Variants in CEP83 observed in about 807,000 individuals in gnomAD.
CEP83 encodes centrosomal protein 83.
In CEP83, 70 loss-of-function variants were observed where a neutral mutation model predicts 101.9. The ratio of observed to expected loss-of-function variants is 0.69; its 90% CI spans 0.57 to 0.84. CEP83 has a LOEUF of 0.84. Among genes scored for constraint, CEP83 ranks in the 40% least tolerant of loss-of-function variants. CEP83 has a pLI of 0.00. For synonymous variants in CEP83, 264 were observed against 267.9 expected, an observed-to-expected ratio of 0.99 and a Z score of 0.14; for missense variants, 715 against 787.2, an observed-to-expected ratio of 0.91 and a Z score of 1.10.
At chr12:94,389,536 GCAGCTCC>G (rs2137351493) in intron 6 of CEP83, among the ~76,000 whole-genome samples, 1 of 152,320 alleles carries the variant, frequency 6.6e-6, no homozygotes, top group South Asian at 2.1e-4. Flanking sequence ...GCTCCGGTCT[GCAGCTCC>G]CAGTGTGATG....
intron 11 of CEP83, among the ~76,000 whole-genome samples, chr12:94,337,673 C>A (rs1340583803): frequency 9.2e-5 from 14 of 151,980 alleles, no homozygotes; most frequent in African/African-American, 3.1e-4. Flanking sequence ...AATTAACTTT[C>A]ATTAGAGGAT....
At chr12:94,383,794 T>C (rs908727874) in intron 6 of CEP83, among the ~76,000 whole-genome samples, 5 of 152,142 alleles carry the variant, frequency 3.3e-5, no homozygotes, top group Non-Finnish European at 7.4e-5. Context: ...GTGGTTGTTC[T>C]AGTTATTATA....
chr12:94,418,297 G>A (rs2064447867), intron 2 of CEP83, among the ~76,000 whole-genome samples: 1 of 152,176 alleles, frequency 6.6e-6, no homozygotes, highest in South Asian at 2.1e-4. Context: ...GGAGGCAGAG[G>A]CTGCAGTGAG....
intron 11 of CEP83, among the ~76,000 whole-genome samples, chr12:94,351,835 G>A (rs116889762): frequency 6.6e-6 from 1 of 152,294 alleles, no homozygotes; most frequent in Non-Finnish European, 1.5e-5. Flanking sequence ...CCCAAGGCCT[G>A]AGAACTGTTC....
chr12:94,301,723 G>A (rs1397339328), downstream of CEP83, among the ~76,000 whole-genome samples: 1 of 150,238 alleles, frequency 6.7e-6, no homozygotes, highest in Non-Finnish European at 1.5e-5. Flanking sequence ...GGAATGAATG[G>A]AGACTGATGT....
intron 1 of CEP83, among the ~76,000 whole-genome samples, chr12:94,436,837 AAAAG>A (rs1211081163): frequency 6.6e-6 from 1 of 151,682 alleles, no homozygotes; most frequent in Non-Finnish European, 1.5e-5. Context: ...AAAAAAAAAA[AAAAG>A]AAAGAAGGAA....
the CEP83 span, among the ~76,000 whole-genome samples, chr12:94,282,594 G>A: frequency 1.6e-4 from 25 of 152,298 alleles, no homozygotes; most frequent in East Asian, 1.9e-4. Context: ...TACTTGTCAC[G>A]TATTCCCTTC....
At chr12:94,270,611 C>T in the CEP83 span, among the ~76,000 whole-genome samples, 1 of 152,128 alleles carries the variant, frequency 6.6e-6, no homozygotes, top group African/African-American at 2.4e-5. Context: ...ACCCTGCACC[C>T]GCAAATACTG....
intron 1 of CEP83, among the ~76,000 whole-genome samples, chr12:94,451,467 C>CAAAAAAAAAAAAAAAAA (rs34200750): frequency 9.7e-6 from 1 of 102,664 alleles, no homozygotes; most frequent in African/African-American, 3.7e-5. Flanking sequence ...TCAGTAAGAC[C>CAAAAAAAAAAAAAAAAA]AAAAAAAAAA....
chr12:94,410,942 G>A (rs889247622), intron 4 of CEP83, among the ~76,000 whole-genome samples: 1 of 152,138 alleles, frequency 6.6e-6, no homozygotes, highest in African/African-American at 2.4e-5. Context: ...GCCAGACTAG[G>A]TGACTTGAAA....
intron 2 of CEP83, among the ~76,000 whole-genome samples, chr12:94,423,195 C>T (rs1201026137): frequency 6.6e-6 from 1 of 152,178 alleles, no homozygotes; most frequent in Non-Finnish European, 1.5e-5. Context: ...AGTGATTCTC[C>T]TGCCTCCACC....
At chr12:94,377,286 T>C (rs2061602351) in intron 7 of CEP83, among the ~76,000 whole-genome samples, 1 of 152,158 alleles carries the variant, frequency 6.6e-6, no homozygotes. Context: ...AAAGAGGTTA[T>C]TTACCCTCAT....
At chr12:94,297,128 A>G in the CEP83 span, 1 of 1,563,882 alleles carries the variant, frequency 6.4e-7, no homozygotes, top group Non-Finnish European at 8.8e-7. Flanking sequence ...GAGAAGGCCG[A>G]TTAGCCCATG....
chr12:94,431,806 A>G (rs1296951844), intron 2 of CEP83, among the ~76,000 whole-genome samples: 1 of 152,212 alleles, frequency 6.6e-6, no homozygotes, highest in Non-Finnish European at 1.5e-5. Context: ...GGATGTGGAG[A>G]AAAAGGGAAC....
chr12:94,392,715 A>G (rs1393870863), intron 6 of CEP83, among the ~76,000 whole-genome samples: 1 of 152,240 alleles, frequency 6.6e-6, no homozygotes, highest in African/African-American at 2.4e-5. Flanking sequence ...GGTTTTTTGA[A>G]AAGATCAACA....
chr12:94,377,996 G>GA (rs144226819), intron 7 of CEP83, among the ~76,000 whole-genome samples: 17,565 of 148,896 alleles, frequency 0.12, 1,253 homozygotes, highest in Non-Finnish European at 0.15. Context: ...ACTGGCTGGG[G>GA]AAAAAAAAAA....
chr12:94,427,306 C>T (rs1049930736), intron 2 of CEP83, among the ~76,000 whole-genome samples: 1 of 152,114 alleles, frequency 6.6e-6, no homozygotes, highest in Non-Finnish European at 1.5e-5. Flanking sequence ...GTTCAAACAG[C>T]AATAAGTGAA....
chr12:94,422,862 C>T (rs575936326), intron 2 of CEP83, among the ~76,000 whole-genome samples: 19 of 152,254 alleles, frequency 1.2e-4, no homozygotes, highest in African/African-American at 3.9e-4. Context: ...CCTGCTGATG[C>T]GCATTTGGTT....
At chr12:94,353,086 T>C (rs1283948817) in intron 11 of CEP83, among the ~76,000 whole-genome samples, 4 of 151,886 alleles carry the variant, frequency 2.6e-5, no homozygotes, top group Admixed American at 6.6e-5. Flanking sequence ...GAGAATTCTA[T>C]AAACAACAAG....
Sources: gnomAD v4.1 joint callset for allele counts (sites outside exome capture counted in the v4.1 genomes callset) on GRCh38, gnomAD v4.1.1 for gene constraint, MANE v1.5 for transcripts, NCBI Gene and HGNC (gene_info 2026-07-23, HGNC 2026-07-21) for gene names.